The following NOP14 variants were observed in gnomAD, a reference collection of about 807,000 sequenced individuals.
NOP14 encodes the protein NOP14 nucleolar protein.
Under a neutral mutation model 101.6 loss-of-function variants are expected in NOP14, and 57 were observed. That is an observed-to-expected ratio of 0.56 (90% CI 0.45 to 0.70). NOP14 has a LOEUF of 0.70. Ranked by LOEUF, NOP14 falls within the 30% of genes least tolerant of loss-of-function variation. NOP14 has a pLI of 0.00. For missense variants in NOP14, 1,134 were observed against 1,075.5 expected (o/e 1.05, Z -0.76); for synonymous variants, 428 against 424.0 (o/e 1.01, Z -0.12).
chr4:2,963,257 T>C lies in NOP14; in HGVS notation c.63A>G (p.Arg21=). 6.3e-7 allele frequency: 1 copy of C among 1,591,228 alleles called. No individual in the cohort carries two copies. Among genetic ancestry groups the C allele is most frequent in the Non-Finnish European group, 8.5e-7 (1 of 1,171,388 alleles). The part of the protein sequence containing the change: ...RKASGAPAGA[R]GGPAKANSNP... ...TGGAGTTGGCCTTCGCCGGGCCCCC[T>C]CGCGCTCCCGCCGGCGCCCCGGAGG... The change falls in exon 1 of 18, where the codon CGA becomes CGG. Residue 21 remains arginine (R), a synonymous_variant. Coordinates refer to ENST00000416614, the MANE Select transcript of NOP14 (RefSeq NM_001291978.2).
rs1296042104 is a variant in NOP14, at chr4:2,960,760, T to G, written c.195+2365A>C. On this transcript the variant is annotated intron_variant, in intron 1 of 17. Transcript: ENST00000416614. Reference sequence around the variant, plus strand: ...TTAATATATTAATATTATAATCACATTAATATTAATATATTAATATTATAA... The same window carrying G: ...TTAATATATTAATATTATAATCACAGTAATATTAATATATTAATATTATAA... Among the ~76,000 whole-genome samples, 2 of 85,690 alleles carry G rather than the reference T, an allele frequency of 2.3e-5. 1 individual carries two copies. Among genetic ancestry groups the G allele is most frequent in the Non-Finnish European group, 5.1e-5 (2 of 38,954 alleles). The allele number at this position is 85,690 out of a possible 152,430, so 56.2% of individuals were successfully genotyped here.
chr4:2,948,295 T>A lies in NOP14; in HGVS notation c.1396A>T (p.Asn466Tyr). The A allele has an allele frequency of 6.2e-7, 1 of 1,603,838 alleles. No individual in the cohort carries two copies. Among genetic ancestry groups the A allele is most frequent in the Non-Finnish European group, 8.5e-7 (1 of 1,177,384 alleles). ...CCACGTACTTCTAATTTTGCTTTGT[T>A]TCCTTCTGCGAGACTCGGGTGGTTG... ...KCNHPSLAEGNKAKLEKLFGF... is the reference protein window; with the variant it reads ...KCNHPSLAEGYKAKLEKLFGF... The change falls in exon 9 of 18, where the codon AAC becomes TAC. Residue 466 changes from asparagine to tyrosine, a missense_variant. Physicochemically the swap from Asn to Tyr is moderately radical, Grantham distance 143 (BLOSUM62 -2). Transcript: ENST00000416614.
intron 12 of NOP14, 144 bp from the exon 13 acceptor site, chr4:2,944,370 G>T: frequency 1.8e-6 from 1 of 549,382 alleles, no homozygotes. Context: ...GCAGTGTCGA[G>T]AGCATCAAAT....
intron 2 of NOP14, among the ~76,000 whole-genome samples, chr4:2,957,289 C>T (rs891120231): frequency 4.6e-5 from 7 of 152,048 alleles, no homozygotes; most frequent in South Asian, 2.1e-4. Flanking sequence ...CATGAGCCAC[C>T]GCGCCCGGCC....
intron 1 of NOP14, among the ~76,000 whole-genome samples, chr4:2,960,570 A>G (rs1471373408): frequency 6.6e-6 from 1 of 151,088 alleles, no homozygotes; most frequent in African/African-American, 2.4e-5. Context: ...CTTCCCCCTC[A>G]TAACGGTGAG....
chr4:2,944,158 C>CTGGG lies in NOP14; in HGVS notation c.1805_1806insCCCA (p.Ala603ProfsTer10). On this transcript the variant is annotated frameshift_variant, in exon 13 of 18. Transcript: ENST00000416614. LOFTEE classifies it high-confidence loss of function. The stretch of plus-strand genomic sequence containing the variant: ...CAGGTATAAACCTCTGGGACAAAGC[C>CTGGG]ACATACTCCAGGAACAGGCAGCACA... 6.2e-7 allele frequency: 1 copy of CTGGG among 1,614,032 alleles called. No homozygotes were observed. The highest frequency in any genetic ancestry group is 8.5e-7 in the Non-Finnish European group (1 of 1,179,918).
intron 1 of NOP14, 102 bp from the exon 2 acceptor site, chr4:2,957,842 T>A: frequency 8.2e-7 from 1 of 1,217,952 alleles, no homozygotes; most frequent in South Asian, 1.7e-5. Context: ...CTATGCACAG[T>A]GATGTCAAAG....
At chr4:2,944,654 G>A (rs1231915038) in intron 12 of NOP14, among the ~76,000 whole-genome samples, 2 of 152,138 alleles carry the variant, frequency 1.3e-5, no homozygotes, top group African/African-American at 2.4e-5. Flanking sequence ...TGATCCGCCC[G>A]CCTCAGCCTC....
At position 2,963,176 on chromosome 4, in the gene NOP14, CGT is replaced by C; in HGVS notation, c.142_143del (p.Thr48AlafsTer31). ...CCCCGGGCAGTCCCACGTCGTGGCG[CGT>C]CTTCCGGCCCAGGATCTGGAACTTC... ...RQKFQILGRK[T>X]RHDVGLPGVS... On this transcript the variant is annotated frameshift_variant, in exon 1 of 18. Transcript: ENST00000416614. LOFTEE classifies it high-confidence loss of function. The C allele has an allele frequency of 6.3e-7, 1 of 1,580,440 alleles. No individual in the cohort carries two copies. Among genetic ancestry groups the C allele is most frequent in the South Asian group, 1.1e-5 (1 of 88,190 alleles).
intron 15 of NOP14, among the ~76,000 whole-genome samples, chr4:2,939,957 C>T (rs1041096890): frequency 6.6e-6 from 1 of 152,206 alleles, no homozygotes; most frequent in Non-Finnish European, 1.5e-5. Context: ...AGCCTGTGCT[C>T]CTCACAGCCA....
intron 12 of NOP14, among the ~76,000 whole-genome samples, chr4:2,944,912 C>T (rs1424497726): frequency 6.6e-6 from 1 of 152,244 alleles, no homozygotes; most frequent in African/African-American, 2.4e-5. Context: ...CATCTGTAAC[C>T]TTGAGGTGCC....
intron 15 of NOP14, 146 bp downstream of exon 15, chr4:2,941,436 T>G: frequency 1.4e-6 from 1 of 719,964 alleles, no homozygotes; most frequent in Non-Finnish European, 2.3e-6. Flanking sequence ...ACTCTTATGA[T>G]TTTACTTCCC....
intron 7 of NOP14, chr4:2,950,843 C>T (rs941475075): frequency 2.7e-5 from 9 of 332,806 alleles, no homozygotes; most frequent in Admixed American, 1.3e-4. Flanking sequence ...TGATGTTAAC[C>T]GAGTAATCAG....
At chr4:2,960,711 A>AATATTATAATCACATTAATATTAATATG (rs1715693619) in intron 1 of NOP14, among the ~76,000 whole-genome samples, 1 of 128,744 alleles carries the variant, frequency 7.8e-6, no homozygotes, top group Non-Finnish European at 1.6e-5. Context: ...ATATTAATAT[A>AATATTATAATCACATTAATATTAATATG]TTAATATTAT....
At chr4:2,961,348 T>G (rs190631896) in intron 1 of NOP14, 380 of 14,008 alleles carry the variant, frequency 0.027, 3 homozygotes, top group African/African-American at 0.069. Flanking sequence ...TTATAAATTA[T>G]TTCAGAAATA....
At chr4:2,960,568 T>TCA (rs1715661100) in intron 1 of NOP14, among the ~76,000 whole-genome samples, 1 of 151,084 alleles carries the variant, frequency 6.6e-6, no homozygotes, top group South Asian at 2.1e-4. Flanking sequence ...TACTTCCCCC[T>TCA]CATAACGGTG....
chr4:2,963,330 C>A lies in NOP14; in HGVS notation c.-11G>T. 6.4e-7 allele frequency: 1 copy of A among 1,562,364 alleles called. No homozygotes were observed. Among genetic ancestry groups the A allele is most frequent in the Non-Finnish European group, 8.6e-7 (1 of 1,159,488 alleles). ...CTTCGCCTTCGCCATGGCGCGCGCC[C>A]CGCTGCGCCCAAGGGCCCGAGACCC... is the stretch of plus-strand genomic sequence containing the variant. On this transcript the variant is annotated 5_prime_UTR_variant, in exon 1 of 18. Transcript: ENST00000416614.
At position 2,942,175 on chromosome 4, in the gene NOP14, G is replaced by A. The variant is rs373019587; in HGVS notation, c.2051+17C>T. On this transcript the variant is annotated intron_variant, in intron 14 of 17. Transcript: ENST00000416614. ...CGCTGTAGGGCACAGGCCCCAAAGCGGGGTCCCCTCACATACCGGATGTGA... is the reference window on the plus strand; with the variant it reads ...CGCTGTAGGGCACAGGCCCCAAAGCAGGGTCCCCTCACATACCGGATGTGA... 7.6e-5 allele frequency: 123 copies of A among 1,609,648 alleles called. 1 individual carries two copies. In the African/African-American group the frequency reaches 1.3e-3, roughly 17 times the overall value.
intron 4 of NOP14, 110 bp downstream of exon 4, chr4:2,954,314 T>C (rs1227551680): frequency 8.2e-7 from 1 of 1,219,820 alleles, no homozygotes; most frequent in African/African-American, 1.5e-5. Context: ...ACTGAACTCA[T>C]ATAAAATATT....
Sources: gnomAD v4.1 joint callset for allele counts (sites outside exome capture counted in the v4.1 genomes callset) on GRCh38, gnomAD v4.1.1 for gene constraint, MANE v1.5 for transcripts, NCBI Gene and HGNC (gene_info 2026-07-23, HGNC 2026-07-21) for gene names.